The following FOXN3 variants were observed in gnomAD, a reference collection of about 807,000 sequenced individuals.
FOXN3 encodes the protein forkhead box protein N3.
A neutral mutation model predicts 38.4 loss-of-function variants in FOXN3; 7 were observed. The observed-to-expected ratio is 0.18, with a 90% confidence interval of 0.10 to 0.34. FOXN3 has a LOEUF of 0.34. FOXN3 is among the 10% of genes least tolerant of loss of function. The pLI is 1.00. For missense variants in FOXN3, 456 were observed against 613.4 expected, an observed-to-expected ratio of 0.74 and a Z score of 2.71; for synonymous variants, 230 against 242.2, an observed-to-expected ratio of 0.95 and a Z score of 0.47.
intron 4 of FOXN3, among the ~76,000 whole-genome samples, chr14:89,237,673 C>T (rs766792093): frequency 1.2e-4 from 18 of 152,194 alleles, no homozygotes; most frequent in African/African-American, 2.9e-4. Context: ...AAGGCTTAAC[C>T]GGAAAACAAA....
chr14:89,198,880 G>T (rs1185943568), intron 4 of FOXN3, among the ~76,000 whole-genome samples: 1 of 152,218 alleles, frequency 6.6e-6, no homozygotes, highest in Non-Finnish European at 1.5e-5. Flanking sequence ...CACATCAAAA[G>T]TAAACAGATA....
At chr14:89,280,056 C>A (rs1886412689) in intron 4 of FOXN3, among the ~76,000 whole-genome samples, 1 of 152,174 alleles carries the variant, frequency 6.6e-6, no homozygotes, top group Non-Finnish European at 1.5e-5. Flanking sequence ...TTCAAAAGCT[C>A]TTAGCACAGC....
chr14:89,609,728 G>A (rs1293960430), intron 1 of FOXN3, among the ~76,000 whole-genome samples: 1 of 152,156 alleles, frequency 6.6e-6, no homozygotes, highest in Non-Finnish European at 1.5e-5. Context: ...CATATTTCAA[G>A]AGGGTTTTAG....
At position 89,526,174 on chromosome 14, in the gene FOXN3, A is replaced by G. The variant is rs1894428899; in HGVS notation, c.-15+92854T>C. Among the ~76,000 whole-genome samples, 4 of 152,196 alleles carry G rather than the reference A, an allele frequency of 2.6e-5. 1 individual carries two copies. In the South Asian group the frequency reaches 6.2e-4, roughly 24 times the overall value. On this transcript the variant is annotated intron_variant, in intron 1 of 6. Transcript: ENST00000345097. ...AAAGCACCACAGCTACTATTATATC[A>G]GGACTGAATGCTTCCCCTGTAAGAT...
At chr14:89,546,091 T>C (rs1372399064) in intron 1 of FOXN3, among the ~76,000 whole-genome samples, 1 of 152,170 alleles carries the variant, frequency 6.6e-6, no homozygotes, top group East Asian at 1.9e-4. Context: ...TTTTTAGGTT[T>C]CTGGATAATC....
chr14:89,248,508 C>A (rs1450756967), intron 4 of FOXN3, among the ~76,000 whole-genome samples: 1 of 152,176 alleles, frequency 6.6e-6, no homozygotes, highest in African/African-American at 2.4e-5. Flanking sequence ...GGGCCAGAGA[C>A]CCTGAAAATG....
intron 1 of FOXN3, among the ~76,000 whole-genome samples, chr14:89,592,242 T>C (rs986560038): frequency 2.0e-5 from 3 of 152,148 alleles, no homozygotes; most frequent in Non-Finnish European, 4.4e-5. Context: ...AATGTTCAAC[T>C]AATAGAGTTT....
At chr14:89,353,184 C>T (rs1889049013) in intron 2 of FOXN3, among the ~76,000 whole-genome samples, 1 of 152,156 alleles carries the variant, frequency 6.6e-6, no homozygotes, top group Admixed American at 6.6e-5. Flanking sequence ...GGAAGTCTTG[C>T]TTCCTCACTG....
At position 89,548,358 on chromosome 14, in the gene FOXN3, C is replaced by T. The variant is rs928627477; in HGVS notation, c.-15+70670G>A. Among the ~76,000 whole-genome samples, 76 of 152,086 alleles carry T rather than the reference C, an allele frequency of 5.0e-4. No homozygotes were observed. Among genetic ancestry groups the T allele is most frequent in the Admixed American group, 9.2e-4 (14 of 15,274 alleles). On this transcript the variant is annotated intron_variant, in intron 1 of 6. Transcript: ENST00000345097. This position sits in a 1 kb window ranked among gnomAD's most constrained non-coding sequence, Gnocchi z 4.8. Reference sequence around the variant, plus strand: ...CATGTATGCGGCTAGGCTACATATACGGTTATAAAGATGTGCACATATCAC... The same window carrying T: ...CATGTATGCGGCTAGGCTACATATATGGTTATAAAGATGTGCACATATCAC...
At chr14:89,172,092 A>G (rs577226293) in intron 5 of FOXN3, among the ~76,000 whole-genome samples, 1 of 152,352 alleles carries the variant, frequency 6.6e-6, no homozygotes, top group South Asian at 2.1e-4. Context: ...ATTAATTTGT[A>G]AAATTTATAA....
At chr14:89,360,327 G>C (rs1402566463) in intron 2 of FOXN3, among the ~76,000 whole-genome samples, 1 of 134,378 alleles carries the variant, frequency 7.4e-6, no homozygotes, top group Non-Finnish European at 1.6e-5. Flanking sequence ...AGAAAGAGAA[G>C]GAAAGAAAGA....
At chr14:89,600,321 G>A (rs1416622782) in intron 1 of FOXN3, among the ~76,000 whole-genome samples, 1 of 152,110 alleles carries the variant, frequency 6.6e-6, no homozygotes, top group Non-Finnish European at 1.5e-5. Context: ...TAATAATAAT[G>A]CATGGAGTGA....
chr14:89,446,422 C>T (rs1188484918), intron 1 of FOXN3, among the ~76,000 whole-genome samples: 1 of 151,996 alleles, frequency 6.6e-6, no homozygotes, highest in Non-Finnish European at 1.5e-5. Context: ...CTCCTGACCT[C>T]AAGTGACCCG....
At position 89,267,014 on chromosome 14, in the gene FOXN3, G is replaced by A. The variant is rs562122452; in HGVS notation, c.745+13936C>T. ...GTATGTAAAAGCAAAGGGGAAAAGT[G>A]ATGAAGCAGGATGCGGGGAGAAAAC... is the stretch of plus-strand genomic sequence containing the variant. On this transcript the variant is annotated intron_variant, in intron 4 of 5. Coordinates refer to ENST00000557258, the MANE Select transcript of FOXN3 (RefSeq NM_005197.4). 1.2e-4 allele frequency among the ~76,000 whole-genome samples: 18 copies of A among 152,306 alleles called. No individual in the cohort carries two copies. In the East Asian group the frequency reaches 1.9e-3, roughly 16 times the overall value.
intron 1 of FOXN3, among the ~76,000 whole-genome samples, chr14:89,492,149 G>GC (rs1893588890): frequency 1.3e-5 from 2 of 152,172 alleles, no homozygotes; most frequent in Admixed American, 1.3e-4. Context: ...AGGTTATTGA[G>GC]CCCAAGTTTT....
At chr14:89,455,923 C>T (rs1300581325) in intron 1 of FOXN3, among the ~76,000 whole-genome samples, 3 of 152,258 alleles carry the variant, frequency 2.0e-5, no homozygotes, top group Admixed American at 6.5e-5. Flanking sequence ...AGGCCAGGCG[C>T]GGTGGCTCAT....
chr14:89,249,676 T>C (rs1008490582), intron 4 of FOXN3, among the ~76,000 whole-genome samples: 4 of 152,202 alleles, frequency 2.6e-5, no homozygotes, highest in Admixed American at 2.0e-4. Flanking sequence ...TCATAGTCCC[T>C]GCTCATTCGG....
At chr14:89,190,664 T>C (rs1485331699) in intron 4 of FOXN3, among the ~76,000 whole-genome samples, 1 of 152,220 alleles carries the variant, frequency 6.6e-6, no homozygotes, top group Admixed American at 6.5e-5. Context: ...TTAGTAAATT[T>C]TTCATCACAC....
At chr14:89,452,663 A>G (rs572793892) in intron 1 of FOXN3, among the ~76,000 whole-genome samples, 1 of 152,312 alleles carries the variant, frequency 6.6e-6, no homozygotes. Flanking sequence ...ATTTCCCCTC[A>G]TGCAGCCCTG....
Sources: allele counts gnomAD v4.1 joint callset (sites outside exome capture counted in the v4.1 genomes callset), GRCh38; gene constraint gnomAD v4.1.1; non-coding constraint Gnocchi (gnomAD v3.1); transcripts MANE v1.5; gene names NCBI Gene and HGNC (gene_info 2026-07-23, HGNC 2026-07-21).